EXOC4: variants seen among roughly 807,000 people sequenced by gnomAD.
EXOC4 encodes the protein SEC8-like 1.
A neutral mutation model predicts 107.2 loss-of-function variants in EXOC4; 71 were observed. The observed-to-expected ratio is 0.66, with a 90% confidence interval of 0.55 to 0.81. EXOC4 has a LOEUF of 0.81. Ranked by LOEUF, EXOC4 falls within the 30% of genes least tolerant of loss-of-function variation. EXOC4 has a pLI of 0.00. For synonymous variants in EXOC4, 456 were observed against 441.2 expected (o/e 1.03, Z -0.42); for missense variants, 1,108 against 1,189.6 (o/e 0.93, Z 1.01).
At chr7:133,674,141 A>G (rs150994970) in intron 10 of EXOC4, among the ~76,000 whole-genome samples, 50 of 152,336 alleles carry the variant, frequency 3.3e-4, no homozygotes, top group African/African-American at 9.6e-4. Context: ...CACATGAGGA[A>G]TGGGGAAAGA....
the EXOC4 span, among the ~76,000 whole-genome samples, chr7:134,082,530 T>A: frequency 6.6e-6 from 1 of 152,202 alleles, no homozygotes; most frequent in Non-Finnish European, 1.5e-5. Context: ...AACCTCCACC[T>A]CCCAGGTTCA....
At chr7:133,854,594 A>G (rs1798309925) in intron 11 of EXOC4, among the ~76,000 whole-genome samples, 1 of 152,004 alleles carries the variant, frequency 6.6e-6, no homozygotes, top group African/African-American at 2.4e-5. Context: ...CGGGAATTCA[A>G]TTCACTCCTT....
chr7:134,018,581 C>T (rs1794960436), intron 17 of EXOC4, among the ~76,000 whole-genome samples: 1 of 152,142 alleles, frequency 6.6e-6, no homozygotes, highest in African/African-American at 2.4e-5. Flanking sequence ...GAAACCTTCT[C>T]CAATGTGCCT....
intron 12 of EXOC4, among the ~76,000 whole-genome samples, chr7:133,915,101 G>A (rs571163863): frequency 3.3e-5 from 5 of 152,258 alleles, no homozygotes; most frequent in South Asian, 2.1e-4. Flanking sequence ...GGGTTAAATC[G>A]TAAAGTAGAC....
intron 7 of EXOC4, among the ~76,000 whole-genome samples, chr7:133,461,941 A>AATTAGAGTG (rs1364057962): frequency 6.6e-6 from 1 of 152,212 alleles, no homozygotes; most frequent in Non-Finnish European, 1.5e-5. Flanking sequence ...TATGGGTTTT[A>AATTAGAGTG]ATTAGAGTGA....
chr7:133,806,168 A>G (rs1290872522), intron 10 of EXOC4, among the ~76,000 whole-genome samples: 3 of 152,230 alleles, frequency 2.0e-5, no homozygotes, highest in Non-Finnish European at 4.4e-5. Context: ...AAGTAGATAA[A>G]TGTATGAACT....
chr7:133,256,235 C>A (rs906286980), intron 1 of EXOC4, among the ~76,000 whole-genome samples: 2 of 152,238 alleles, frequency 1.3e-5, no homozygotes, highest in Non-Finnish European at 2.9e-5. Flanking sequence ...CCCGCCTTGG[C>A]CTCCCAAAGT....
the EXOC4 span, among the ~76,000 whole-genome samples, chr7:134,097,165 C>T: frequency 6.6e-6 from 1 of 151,896 alleles, no homozygotes; most frequent in Admixed American, 6.6e-5. Context: ...GAAGAAAATC[C>T]AACTCCCAAT....
chr7:133,958,696 G>A (rs146824715), intron 14 of EXOC4, among the ~76,000 whole-genome samples: 6 of 152,266 alleles, frequency 3.9e-5, no homozygotes, highest in African/African-American at 1.4e-4. Flanking sequence ...AAAAACAGGA[G>A]GACTTGTTAA....
chr7:133,645,383 C>T lies in EXOC4; in HGVS notation c.1514+15242C>T, dbSNP rs530173264. Among the ~76,000 whole-genome samples the T allele has an allele frequency of 2.9e-3, 433 of 151,910 alleles. 1 individual carries two copies. The highest frequency in any genetic ancestry group is 9.7e-3 in the African/African-American group (400 of 41,430). On this transcript the variant is annotated intron_variant, in intron 10 of 17. Transcript: ENST00000253861. ...CTAGGATTACAGGCATGAGCCACCACACCTGGCCCTCTATCACCTCTCTTA... is the reference window on the plus strand; with the variant it reads ...CTAGGATTACAGGCATGAGCCACCATACCTGGCCCTCTATCACCTCTCTTA...
At chr7:133,794,535 C>G (rs1323657990) in intron 10 of EXOC4, among the ~76,000 whole-genome samples, 1 of 152,158 alleles carries the variant, frequency 6.6e-6, no homozygotes, top group Non-Finnish European at 1.5e-5. Context: ...TGATTTTGAA[C>G]TTTAGTTACT....
At chr7:133,982,599 C>A (rs1359455161) in intron 14 of EXOC4, among the ~76,000 whole-genome samples, 1 of 152,106 alleles carries the variant, frequency 6.6e-6, no homozygotes, top group Non-Finnish European at 1.5e-5. Context: ...GTTACTTATT[C>A]AACACCTTTA....
chr7:133,743,728 G>T (rs73724727), intron 10 of EXOC4, among the ~76,000 whole-genome samples: 2 of 152,108 alleles, frequency 1.3e-5, no homozygotes, highest in African/African-American at 2.4e-5. Flanking sequence ...AGAGATCACT[G>T]TCCATTTAGT....
In EXOC4 at chr7:133,375,846, A is replaced by C. The variant is rs188980791; in HGVS notation, c.1182+844A>C. 1.5e-3 allele frequency among the ~76,000 whole-genome samples: 233 copies of C among 152,312 alleles called. 1 individual carries two copies. The highest frequency in any genetic ancestry group is 2.9e-3 in the Non-Finnish European group (194 of 68,010). ...GATGCTGCTGAAATGATATTTAGAAATTGTATTATACTTTTTCTCCATATG... is the reference window on the plus strand; with the variant it reads ...GATGCTGCTGAAATGATATTTAGAACTTGTATTATACTTTTTCTCCATATG... On this transcript the variant is annotated intron_variant, in intron 7 of 17. Coordinates refer to ENST00000253861, the MANE Select transcript of EXOC4 (RefSeq NM_021807.4).
chr7:134,013,989 TAG>T (rs2116379853), intron 17 of EXOC4, among the ~76,000 whole-genome samples: 1 of 152,122 alleles, frequency 6.6e-6, no homozygotes, highest in East Asian at 1.9e-4. Flanking sequence ...AAGTTAAACA[TAG>T]AGTTATGGTA....
rs149721473 is a variant in EXOC4, at chr7:133,437,304, A to G, written c.1183-38024A>G. On this transcript the variant is annotated intron_variant, in intron 7 of 17. Coordinates refer to ENST00000253861, the MANE Select transcript of EXOC4 (RefSeq NM_021807.4). ...ATGTTTAAGTATTTTACCTTTTGCT[A>G]TTATTTATGAGAGAAAAAAATGGAC... 1.8e-3 allele frequency among the ~76,000 whole-genome samples: 267 copies of G among 152,156 alleles called. 1 individual carries two copies. The highest frequency in any genetic ancestry group is 6.0e-3 in the African/African-American group (249 of 41,524).
At chr7:133,724,472 A>C (rs1795174414) in intron 10 of EXOC4, among the ~76,000 whole-genome samples, 1 of 152,184 alleles carries the variant, frequency 6.6e-6, no homozygotes, top group South Asian at 2.1e-4. Context: ...TATTTTTTTC[A>C]ACAGATATTT....
intron 14 of EXOC4, among the ~76,000 whole-genome samples, chr7:133,946,001 T>C (rs752656345): frequency 1.6e-4 from 25 of 152,370 alleles, no homozygotes; most frequent in Non-Finnish European, 3.1e-4. Context: ...TAATTTCATC[T>C]GATTCTTTTT....
At chr7:133,492,657 T>A (rs1332299385) in intron 9 of EXOC4, among the ~76,000 whole-genome samples, 2 of 152,168 alleles carry the variant, frequency 1.3e-5, no homozygotes, top group Admixed American at 6.5e-5. Context: ...TTTCTTTTTT[T>A]TCTAGGCTTT....
Sources: gnomAD v4.1 joint callset for allele counts (sites outside exome capture counted in the v4.1 genomes callset) on GRCh38, gnomAD v4.1.1 for gene constraint, MANE v1.5 for transcripts, NCBI Gene and HGNC (gene_info 2026-07-23, HGNC 2026-07-21) for gene names.